Variants in SCN8A observed in about 807,000 individuals in gnomAD.
SCN8A encodes the protein sodium channel protein type 8 subunit alpha.
In SCN8A, 30 loss-of-function variants were observed where a neutral mutation model predicts 184.1. The ratio of observed to expected loss-of-function variants is 0.16; its 90% CI spans 0.12 to 0.22. The LOEUF is 0.22. SCN8A is among the 10% of genes least tolerant of loss of function. SCN8A has a pLI of 1.00. For missense variants in SCN8A, 1,057 were observed against 2,498.9 expected, an observed-to-expected ratio of 0.42 and a Z score of 12.30; for synonymous variants, 852 against 907.0, an observed-to-expected ratio of 0.94 and a Z score of 1.09.
At chr12:51,792,803 C>T (rs1423983570) in intron 25 of SCN8A, among the ~76,000 whole-genome samples, 2 of 152,074 alleles carry the variant, frequency 1.3e-5, no homozygotes, top group Admixed American at 6.6e-5. Flanking sequence ...AGTGCAGTGG[C>T]GTGATCTCGG....
intron 2 of SCN8A, among the ~76,000 whole-genome samples, chr12:51,680,117 A>G: frequency 6.6e-6 from 1 of 152,116 alleles, no homozygotes; most frequent in East Asian, 1.9e-4. Flanking sequence ...TTTCCTACTA[A>G]AGTATGGGAG....
chr12:51,694,992 C>G (rs1171176178), intron 6 of SCN8A, among the ~76,000 whole-genome samples: 1 of 152,132 alleles, frequency 6.6e-6, no homozygotes, highest in Non-Finnish European at 1.5e-5. Context: ...TGGCTGAGAC[C>G]AATGTATAGT....
chr12:51,698,955 T>C (rs1238255896), intron 6 of SCN8A, among the ~76,000 whole-genome samples: 9 of 152,252 alleles, frequency 5.9e-5, no homozygotes, highest in Non-Finnish European at 4.4e-5. Flanking sequence ...CATTTGTTTC[T>C]TTGACAAATA....
chr12:51,667,468 T>C (rs1941054800), intron 2 of SCN8A, among the ~76,000 whole-genome samples: 1 of 151,898 alleles, frequency 6.6e-6, no homozygotes, highest in Non-Finnish European at 1.5e-5. Flanking sequence ...AACCTCCATC[T>C]CTGTCTCCCA....
chr12:51,715,874 A>G (rs1941956921), intron 11 of SCN8A, among the ~76,000 whole-genome samples: 1 of 152,158 alleles, frequency 6.6e-6, no homozygotes, highest in Admixed American at 6.5e-5. Flanking sequence ...TGGGTGGCTA[A>G]GCTGCAGTAC....
At chr12:51,656,407 A>G (rs1392959238) in intron 1 of SCN8A, among the ~76,000 whole-genome samples, 1 of 152,248 alleles carries the variant, frequency 6.6e-6, no homozygotes, top group Non-Finnish European at 1.5e-5. Flanking sequence ...CAGATTTCCT[A>G]GAATAAAAAA....
chr12:51,671,299 G>T (rs1030353772), intron 2 of SCN8A, among the ~76,000 whole-genome samples: 4 of 152,188 alleles, frequency 2.6e-5, no homozygotes, highest in African/African-American at 7.2e-5. Context: ...TTTAACTCGG[G>T]TTAGATATGG....
rs1262156853 is a variant in SCN8A at position 51,779,389 on chromosome 12, TC to T, written c.3820-1259del. On this transcript the variant is annotated intron_variant, in intron 20 of 26. Coordinates refer to ENST00000627620, the MANE Select transcript of SCN8A (RefSeq NM_001330260.2). ...GTTGAGAAAGCATCGTGGTAACTGC[TC>T]TGAGAGCTCTGGTAGAACAAGGTAA... Among the ~76,000 whole-genome samples, 17 of 152,294 alleles carry T rather than the reference TC, an allele frequency of 1.1e-4. No individual in the cohort carries two copies. The East Asian group carries it at 2.7e-3, about 24-fold the overall frequency.
intron 16 of SCN8A, among the ~76,000 whole-genome samples, chr12:51,767,903 G>A (rs1942862735): frequency 1.3e-5 from 2 of 152,156 alleles, no homozygotes; most frequent in Non-Finnish European, 2.9e-5. Flanking sequence ...AGAACCAGTA[G>A]TGGATCTAAT....
rs896171164 is a variant in SCN8A at position 51,710,137 on chromosome 12, A to G, written c.1635+3422A>G. On this transcript the variant is annotated intron_variant, in intron 11 of 26. Coordinates refer to ENST00000627620, the MANE Select transcript of SCN8A (RefSeq NM_001330260.2). ...TAGAATAGTTTTTAAGAAGAATGGGAGAGGGAATTCCCCTAATCAGATTCA... is the reference window on the plus strand; with the variant it reads ...TAGAATAGTTTTTAAGAAGAATGGGGGAGGGAATTCCCCTAATCAGATTCA... Among the ~76,000 whole-genome samples the G allele has an allele frequency of 2.6e-5, 4 of 152,158 alleles. No homozygotes were observed. In the East Asian group the frequency reaches 5.8e-4, roughly 22 times the overall value.
At chr12:51,703,086 G>T (rs1231375789) in intron 9 of SCN8A, among the ~76,000 whole-genome samples, 172 bp downstream of exon 9, 1 of 152,140 alleles carries the variant, frequency 6.6e-6, no homozygotes, top group African/African-American at 2.4e-5. Flanking sequence ...TCTCATCCCT[G>T]TTTCTCGAAT....
intron 2 of SCN8A, among the ~76,000 whole-genome samples, chr12:51,672,184 A>G (rs941310824): frequency 6.6e-6 from 1 of 152,112 alleles, no homozygotes; most frequent in African/African-American, 2.4e-5. Context: ...CAGGTAGTCT[A>G]ATTGCTTCCC....
intron 14 of SCN8A, among the ~76,000 whole-genome samples, chr12:51,755,752 A>G (rs571679794): frequency 2.8e-4 from 42 of 152,306 alleles, no homozygotes; most frequent in African/African-American, 1.0e-3. Flanking sequence ...ATTGCAAACC[A>G]TGAGTTGATC....
intron 2 of SCN8A, among the ~76,000 whole-genome samples, chr12:51,675,570 A>G (rs1041452080): frequency 6.6e-6 from 1 of 152,066 alleles, no homozygotes; most frequent in Non-Finnish European, 1.5e-5. Context: ...AGAGTTTAGA[A>G]CTAGAAGCCG....
intron 1 of SCN8A, among the ~76,000 whole-genome samples, chr12:51,615,335 G>A (rs1486741825): frequency 2.6e-5 from 4 of 152,058 alleles, no homozygotes; most frequent in African/African-American, 9.7e-5. Context: ...TGGGCAGATC[G>A]CTTGAGCCCA....
Position 51,721,769 on chromosome 12 carries a change from A to G in SCN8A, c.1859A>G (p.Tyr620Cys). 1 of 1,610,200 alleles carries G rather than the reference A, an allele frequency of 6.2e-7. No individual in the cohort carries two copies. The highest frequency in any genetic ancestry group is 8.5e-7 in the Non-Finnish European group (1 of 1,179,034). ...RRSSYSGYSG[Y>C]SQGSRSSRIF... ...AGCAGCTACAGCGGCTACAGCGGCTACAGCCAGGGCAGCCGCTCCTCGCGC... is the reference window on the plus strand; with the variant it reads ...AGCAGCTACAGCGGCTACAGCGGCTGCAGCCAGGGCAGCCGCTCCTCGCGC... Residue 620 changes from tyrosine (Y) to cysteine (C), a missense_variant, in exon 12 of 27, where the codon TAC (tyrosine) becomes TGC (cysteine). Around this residue, in one of 19 missense-constraint regions of SCN8A, gnomAD observed 322 missense variants for 390.1 expected, o/e 0.83. Coordinates refer to ENST00000627620, the MANE Select transcript of SCN8A (RefSeq NM_001330260.2).
chr12:51,804,757 G>C (rs1236221459), intron 26 of SCN8A, among the ~76,000 whole-genome samples: 1 of 152,180 alleles, frequency 6.6e-6, no homozygotes, highest in African/African-American at 2.4e-5. Flanking sequence ...TTACAGGCAT[G>C]AGCCATTGCG....
In SCN8A at chr12:51,707,513, T is replaced by C. The variant is rs1460828038; in HGVS notation, c.1635+798T>C. 2.6e-5 allele frequency among the ~76,000 whole-genome samples: 4 copies of C among 152,192 alleles called. No homozygotes were observed. The East Asian group carries it at 7.8e-4, about 30-fold the overall frequency. On this transcript the variant is annotated intron_variant, in intron 11 of 26. Transcript: ENST00000627620. The stretch of plus-strand genomic sequence containing the variant: ...GGAGGCTAGGCCAGTCTCGCCTTTT[T>C]ACGTTTTTCTGCCCGCTTTATTTTC...
chr12:51,735,569 A>G (rs1484511126), intron 12 of SCN8A, among the ~76,000 whole-genome samples: 2 of 152,180 alleles, frequency 1.3e-5, no homozygotes, highest in African/African-American at 4.8e-5. Context: ...GATAACCACT[A>G]TCATAGCTAC....
Sources: gnomAD v4.1 joint callset for allele counts (sites outside exome capture counted in the v4.1 genomes callset) on GRCh38, gnomAD v4.1.1 for gene constraint, gnomAD v4.1.1 regional missense constraint, MANE v1.5 for transcripts, NCBI Gene and HGNC (gene_info 2026-07-23, HGNC 2026-07-21) for gene names.